PTPRD: variants seen among roughly 807,000 people sequenced by gnomAD.
PTPRD encodes the protein receptor-type tyrosine-protein phosphatase delta.
PTPRD carries 34 observed loss-of-function variants against 214.5 expected under a neutral mutation model. The observed-to-expected ratio is 0.16, with a 90% CI of 0.12 to 0.21. The LOEUF is 0.21. Among genes scored for constraint, PTPRD ranks in the 10% least tolerant of loss-of-function variants. The probability of loss-of-function intolerance (pLI) is 1.00; values close to 1 mark genes in which losing one functional copy is unlikely to be tolerated. For synonymous variants in PTPRD, 1,128 were observed against 845.7 expected, an observed-to-expected ratio of 1.33 and a Z score of -5.79; for missense variants, 2,545 against 2,398.7, an observed-to-expected ratio of 1.06 and a Z score of -1.27.
chr9:10,299,300 T>A (rs1367822693), intron 3 of PTPRD, among the ~76,000 whole-genome samples: 1 of 152,174 alleles, frequency 6.6e-6, no homozygotes, highest in Non-Finnish European at 1.5e-5. Flanking sequence ...TTCTAACTTA[T>A]GAGTTATAAT....
In PTPRD at chr9:8,341,747, C is replaced by T. The variant is rs1233056955; in HGVS notation, c.4893G>A (p.Lys1631=). The change falls in exon 40 of 46, where the codon AAG becomes AAA. Residue 1631 remains lysine (K), a synonymous_variant. Transcript: ENST00000381196. ...PARNLYAYIQ[K]LTQIETGENV... is the part of the protein sequence containing the mutation. ...TCTCTCCCGTTTCTATTTGTGTCAGCTTCTGAATGTAGGCATACAAGTTTC... is the reference window on the plus strand; with the variant it reads ...TCTCTCCCGTTTCTATTTGTGTCAGTTTCTGAATGTAGGCATACAAGTTTC... 1.2e-6 allele frequency: 2 copies of T among 1,613,546 alleles called. No individual in the cohort carries two copies. The highest frequency in any genetic ancestry group is 3.3e-5 in the Admixed American group (2 of 59,938).
chr9:10,304,183 T>G (rs1452396977), intron 3 of PTPRD, among the ~76,000 whole-genome samples: 1 of 152,138 alleles, frequency 6.6e-6, no homozygotes, highest in Non-Finnish European at 1.5e-5. Context: ...TCTCAATAAA[T>G]GCAGAAAAGG....
intron 3 of PTPRD, among the ~76,000 whole-genome samples, chr9:10,112,337 TGA>T (rs1351021385): frequency 6.6e-6 from 1 of 152,202 alleles, no homozygotes; most frequent in Admixed American, 6.5e-5. Context: ...GGCTCATTAG[TGA>T]CAGATACTCT....
chr9:8,719,781 A>G (rs1387343037), intron 12 of PTPRD, among the ~76,000 whole-genome samples: 1 of 152,214 alleles, frequency 6.6e-6, no homozygotes, highest in Non-Finnish European at 1.5e-5. Context: ...CAAAATGTAT[A>G]AGGCTTTTAA....
chr9:9,018,172 T>A (rs993533685), intron 11 of PTPRD, among the ~76,000 whole-genome samples: 2 of 152,064 alleles, frequency 1.3e-5, no homozygotes, highest in Non-Finnish European at 2.9e-5. Flanking sequence ...CTCATAACCA[T>A]CCCAACACAT....
Position 10,285,642 on chromosome 9 carries a change from G to C in PTPRD, c.-545+55321C>G, listed in dbSNP as rs1006171331. ...TTTTTTTTTTTTGAAACAGAGTCTCGCTCTGTCGCCCAGGCTGGAGGGCGG... is the reference window on the plus strand; with the variant it reads ...TTTTTTTTTTTTGAAACAGAGTCTCCCTCTGTCGCCCAGGCTGGAGGGCGG... On this transcript the variant is annotated intron_variant, in intron 3 of 45. Transcript: ENST00000381196. Among the ~76,000 whole-genome samples the C allele has an allele frequency of 3.8e-3, 470 of 123,448 alleles. 4 individuals carry two copies. Among genetic ancestry groups the C allele is most frequent in the African/African-American group, 0.015 (455 of 30,724 alleles). The allele number at this position is 123,448 out of a possible 152,430, so 81.0% of individuals were successfully genotyped here.
chr9:10,431,331 C>T (rs1336506560), intron 2 of PTPRD, among the ~76,000 whole-genome samples: 3 of 151,748 alleles, frequency 2.0e-5, no homozygotes, highest in Non-Finnish European at 4.4e-5. Flanking sequence ...CCATAAAAAC[C>T]CTAGAAGAAA....
At chr9:10,025,132 T>A (rs1046983279) in intron 4 of PTPRD, among the ~76,000 whole-genome samples, 2 of 152,114 alleles carry the variant, frequency 1.3e-5, no homozygotes, top group Admixed American at 1.3e-4. Flanking sequence ...TTACAATCCT[T>A]TGGGTATATA....
intron 2 of PTPRD, among the ~76,000 whole-genome samples, chr9:10,394,486 A>G (rs2098131612): frequency 6.6e-6 from 1 of 151,718 alleles, no homozygotes; most frequent in Non-Finnish European, 1.5e-5. Context: ...TTTTCTATCA[A>G]CCTTTTTCAT....
At chr9:9,631,853 T>TA (rs2154360056) in intron 7 of PTPRD, among the ~76,000 whole-genome samples, 2 of 152,326 alleles carry the variant, frequency 1.3e-5, no homozygotes, top group East Asian at 3.9e-4. Context: ...GCAGTTATTT[T>TA]AATTATTAGA....
At chr9:8,530,719 A>C (rs575001332) in intron 14 of PTPRD, among the ~76,000 whole-genome samples, 52 of 152,212 alleles carry the variant, frequency 3.4e-4, no homozygotes, top group African/African-American at 1.2e-3. Context: ...TCTGGTAGAG[A>C]GGCAACCAGT....
At chr9:9,583,834 T>G (rs1269039197) in intron 7 of PTPRD, among the ~76,000 whole-genome samples, 3 of 152,038 alleles carry the variant, frequency 2.0e-5, no homozygotes, top group African/African-American at 7.2e-5. Context: ...TCCTTATCAC[T>G]CCCTATTCTG....
At chr9:8,523,871 C>T (rs2097943494) in intron 18 of PTPRD, among the ~76,000 whole-genome samples, 1 of 152,006 alleles carries the variant, frequency 6.6e-6, no homozygotes. Flanking sequence ...ACCCCAGACT[C>T]CATAAAAAAA....
At chr9:9,760,015 GCTTAA>G (rs1309613200) in intron 6 of PTPRD, among the ~76,000 whole-genome samples, 1 of 152,076 alleles carries the variant, frequency 6.6e-6, no homozygotes, top group African/African-American at 2.4e-5. Context: ...AGTATTGCCT[GCTTAA>G]CTAGATTGCC....
intron 4 of PTPRD, among the ~76,000 whole-genome samples, chr9:9,956,245 G>T (rs1389634312): frequency 6.6e-6 from 1 of 150,432 alleles, no homozygotes; most frequent in African/African-American, 2.4e-5. Context: ...AGAGATTAAG[G>T]TGAGGTTTAC....
chr9:8,921,449 G>C (rs1187387154), intron 11 of PTPRD, among the ~76,000 whole-genome samples: 3 of 152,020 alleles, frequency 2.0e-5, no homozygotes, highest in African/African-American at 7.2e-5. Flanking sequence ...ATCTGAGCAT[G>C]AGGATGTGGG....
chr9:9,299,111 G>T (rs558896010), intron 9 of PTPRD, among the ~76,000 whole-genome samples: 1 of 151,792 alleles, frequency 6.6e-6, no homozygotes, highest in South Asian at 2.1e-4. Flanking sequence ...AAAACTAATT[G>T]TGTCTCCAGC....
At chr9:10,138,764 T>C (rs1224735704) in intron 3 of PTPRD, among the ~76,000 whole-genome samples, 2 of 152,146 alleles carry the variant, frequency 1.3e-5, no homozygotes, top group Non-Finnish European at 2.9e-5. Context: ...AATCAGTAAA[T>C]GTGATTTACC....
chr9:8,839,204 T>G (rs1199259584), intron 11 of PTPRD, among the ~76,000 whole-genome samples: 1 of 152,188 alleles, frequency 6.6e-6, no homozygotes, highest in Admixed American at 6.5e-5. Context: ...ATCACTTCAG[T>G]AATTAAAGAA....
Sources: gnomAD v4.1 joint callset for allele counts (sites outside exome capture counted in the v4.1 genomes callset) on GRCh38, gnomAD v4.1.1 for gene constraint, MANE v1.5 for transcripts, NCBI Gene and HGNC (gene_info 2026-07-23, HGNC 2026-07-21) for gene names.